Variants in ARL5B observed in about 807,000 individuals in gnomAD.
ARL5B encodes the protein ARF like GTPase 5B.
In ARL5B, 10 loss-of-function variants were observed where a neutral mutation model predicts 26.9. The ratio of observed to expected loss-of-function variants is 0.37; its 90% CI spans 0.23 to 0.63. ARL5B has a LOEUF of 0.63. Among genes scored for constraint, ARL5B ranks in the 30% least tolerant of loss-of-function variants. ARL5B has a pLI of 0.62. For missense variants in ARL5B, 167 were observed against 213.9 expected (o/e 0.78, Z 1.37); for synonymous variants, 87 against 70.4 (o/e 1.24, Z -1.18).
At chr10:18,664,429 CTTTT>C (rs140830487) in intron 1 of ARL5B, among the ~76,000 whole-genome samples, 4 of 67,222 alleles carry the variant, frequency 6.0e-5, no homozygotes, top group Non-Finnish European at 1.1e-4. Context: ...ACAGTAGTGT[CTTTT>C]TTTTTTTTTT....
At chr10:18,664,682 C>A (rs1488695773) in intron 1 of ARL5B, among the ~76,000 whole-genome samples, 3 of 151,028 alleles carry the variant, frequency 2.0e-5, no homozygotes, top group Non-Finnish European at 4.4e-5. Flanking sequence ...TCGTGATCCT[C>A]CCACCTCGGC....
chr10:18,666,492 G>A, intron 1 of ARL5B, 83 bp from the exon 2 acceptor site: 1 of 1,106,214 alleles, frequency 9.0e-7, no homozygotes, highest in Non-Finnish European at 1.3e-6. Context: ...TCATTAATGA[G>A]CTAACTAATA....
At position 18,668,529 on chromosome 10, in the gene ARL5B, G is replaced by C; in HGVS notation, c.108-1G>C. ...CTTTTACGGTGTCTGTTTTTCAACAGCTTAATGAATGAAGTGGTTCATACT... is the reference window on the plus strand; with the variant it reads ...CTTTTACGGTGTCTGTTTTTCAACACCTTAATGAATGAAGTGGTTCATACT... On this transcript the variant is annotated splice_acceptor_variant, in intron 2 of 5. Transcript: ENST00000377275. LOFTEE classifies it high-confidence loss of function. The C allele has an allele frequency of 6.2e-7, 1 of 1,613,656 alleles. No homozygotes were observed.
chr10:18,661,596 A>C (rs2059837046), intron 1 of ARL5B, among the ~76,000 whole-genome samples: 1 of 152,238 alleles, frequency 6.6e-6, no homozygotes, highest in Admixed American at 6.5e-5. Flanking sequence ...AAAATTAAAG[A>C]ATAAAGATAC....
chr10:18,668,336 CAA>C (rs1403237891), intron 2 of ARL5B, among the ~76,000 whole-genome samples, 192 bp from the exon 3 acceptor site: 1 of 151,072 alleles, frequency 6.6e-6, no homozygotes, highest in Non-Finnish European at 1.5e-5. Context: ...AAAAAACAAA[CAA>C]GAAACAAGTC....
intron 1 of ARL5B, among the ~76,000 whole-genome samples, chr10:18,665,095 C>A (rs1377961494): frequency 6.6e-6 from 1 of 152,130 alleles, no homozygotes; most frequent in East Asian, 1.9e-4. Flanking sequence ...ATGCTTAGTG[C>A]CAGGCAGTCT....
intron 5 of ARL5B, 91 bp from the exon 6 acceptor site, chr10:18,675,077 C>T: frequency 5.3e-6 from 6 of 1,124,432 alleles, no homozygotes; most frequent in South Asian, 4.2e-5. Flanking sequence ...ATTGTGCTAC[C>T]AGCCTTTGGT....
At position 18,668,797 on chromosome 10, in the gene ARL5B, G is replaced by T. The variant is rs1431739996; in HGVS notation, c.255+120G>T. 6 of 1,033,286 alleles carry T rather than the reference G, an allele frequency of 5.8e-6. No homozygotes were observed. The East Asian group carries it at 1.7e-4, about 30-fold the overall frequency. 64.0% of individuals were successfully genotyped at this position (1,033,286 alleles called of 1,614,324 possible). ...TTTTTTTTTTTTTTTTTAAGACGGA[G>T]TCTTGCTCTGTCGCCAGGCTAGAGT... is the stretch of plus-strand genomic sequence containing the variant. On this transcript the variant is annotated intron_variant, in intron 3 of 5. Transcript: ENST00000377275.
intron 2 of ARL5B, among the ~76,000 whole-genome samples, chr10:18,667,931 T>G (rs568941853): frequency 6.6e-6 from 1 of 152,212 alleles, no homozygotes; most frequent in East Asian, 1.9e-4. Flanking sequence ...GTCAGGATGG[T>G]CTCAAGTTCT....
chr10:18,659,928 T>C (rs1316701088), intron 1 of ARL5B: 1 of 985,256 alleles, frequency 1.0e-6, no homozygotes, highest in African/African-American at 1.7e-5. Flanking sequence ...TGAGAATGTT[T>C]GGATATTGGC....
chr10:18,662,701 T>C (rs970128000), intron 1 of ARL5B, among the ~76,000 whole-genome samples: 1 of 151,708 alleles, frequency 6.6e-6, no homozygotes, highest in Non-Finnish European at 1.5e-5. Flanking sequence ...TTTTGTTGTT[T>C]GTTTGTTTTT....
Position 18,680,868 on chromosome 10 carries a change from C to T in ARL5B, c.*5652C>T, listed in dbSNP as rs1267316132. The T allele has an allele frequency of 6.6e-6, 1 of 152,056 alleles. No homozygotes were observed. Among genetic ancestry groups the T allele is most frequent in the Admixed American group, 6.6e-5 (1 of 15,256 alleles). 9.4% of individuals were successfully genotyped at this position (152,056 alleles called of 1,614,324 possible). ...ATCAGAGTGAATGATTATAATCACA[C>T]TTTGCTATTTTAACATAAATTGGTG... is the stretch of plus-strand genomic sequence containing the variant. On this transcript the variant is annotated 3_prime_UTR_variant, in exon 6 of 6. Coordinates refer to ENST00000377275, the MANE Select transcript of ARL5B (RefSeq NM_178815.5).
chr10:18,663,849 C>T (rs1002311302), intron 1 of ARL5B, among the ~76,000 whole-genome samples: 11 of 151,612 alleles, frequency 7.3e-5, no homozygotes, highest in African/African-American at 2.7e-4. Context: ...CGCCCGGCCC[C>T]AGCTTATTCT....
intron 1 of ARL5B, among the ~76,000 whole-genome samples, chr10:18,666,162 C>A (rs979224958): frequency 1.3e-5 from 2 of 152,138 alleles, no homozygotes; most frequent in African/African-American, 4.8e-5. Context: ...GGGAAACTTA[C>A]AGATATGAAA....
At position 18,679,680 on chromosome 10, in the gene ARL5B, C is replaced by G. The variant is rs1030398057; in HGVS notation, c.*4464C>G. ...TTGTGCCCCTCAGACCTAAAGGCAG[C>G]TTTAAATGTATATAGTTTGGTGAAA... On this transcript the variant is annotated 3_prime_UTR_variant, in exon 6 of 6. Transcript: ENST00000377275. 3 of 151,628 alleles carry G rather than the reference C, an allele frequency of 2.0e-5. No homozygotes were observed. The highest frequency in any genetic ancestry group is 2.9e-5 in the Non-Finnish European group (2 of 67,800). 9.4% of individuals were successfully genotyped at this position (151,628 alleles called of 1,614,324 possible).
In ARL5B at chr10:18,666,601, G is replaced by A; in HGVS notation, c.73G>A (p.Asp25Asn). 1 of 1,610,070 alleles carries A rather than the reference G, an allele frequency of 6.2e-7. No individual in the cohort carries two copies. Among genetic ancestry groups the A allele is most frequent in the Admixed American group, 1.7e-5 (1 of 59,258 alleles). ...ACACAAAGTAATTATAGTGGGACTG[G>A]ATAATGCAGGGAAAACCACCATTCT... ...QEHKVIIVGL[D>N]NAGKTTILYQ... is the part of the protein sequence containing the mutation. Residue 25 changes from aspartate (D) to asparagine (N), a missense_variant, in exon 2 of 6, where the codon GAT becomes AAT. By Grantham distance (23) the Asp-to-Asn change is conservative. Coordinates refer to ENST00000377275, the MANE Select transcript of ARL5B (RefSeq NM_178815.5).
chr10:18,671,451 G>A lies in ARL5B; in HGVS notation c.256-1171G>A, dbSNP rs1487624925. 2.0e-4 allele frequency among the ~76,000 whole-genome samples: 30 copies of A among 152,102 alleles called. 1 individual carries two copies. The highest frequency in any genetic ancestry group is 1.5e-5 in the Non-Finnish European group (1 of 68,026). ...ACCAAAGTGCTGGGATTACAGGTGTGAGCCACTGCACCTAGCCTGTTTCCC... is the reference window on the plus strand; with the variant it reads ...ACCAAAGTGCTGGGATTACAGGTGTAAGCCACTGCACCTAGCCTGTTTCCC... On this transcript the variant is annotated intron_variant, in intron 3 of 5. Coordinates refer to ENST00000377275, the MANE Select transcript of ARL5B (RefSeq NM_178815.5).
intron 1 of ARL5B, among the ~76,000 whole-genome samples, chr10:18,665,214 C>G (rs1468526274): frequency 1.3e-5 from 2 of 152,084 alleles, no homozygotes; most frequent in African/African-American, 4.8e-5. Flanking sequence ...GTGGTGTGCA[C>G]CTGTGGTCCC....
At position 18,671,612 on chromosome 10, in the gene ARL5B, G is replaced by T. The variant is rs79654577; in HGVS notation, c.256-1010G>T. On this transcript the variant is annotated intron_variant, in intron 3 of 5. Transcript: ENST00000377275. ...TCTGTATACAGTGTTCAGCTTAAGG[G>T]TGCTTTTTCGCTGTATCATCTCCTC... 1.8e-4 allele frequency among the ~76,000 whole-genome samples: 27 copies of T among 151,654 alleles called. No homozygotes were observed. The East Asian group carries it at 4.5e-3, about 25-fold the overall frequency.
Sources: gnomAD v4.1 joint callset for allele counts (sites outside exome capture counted in the v4.1 genomes callset) on GRCh38, gnomAD v4.1.1 for gene constraint, MANE v1.5 for transcripts, NCBI Gene and HGNC (gene_info 2026-07-23, HGNC 2026-07-21) for gene names.